The following MYH10 variants were observed in gnomAD, a reference collection of about 807,000 sequenced individuals.
MYH10 encodes the protein myosin-10.
Under a neutral mutation model 257.8 loss-of-function variants are expected in MYH10, and 55 were observed. The ratio of observed to expected loss-of-function variants is 0.21; its 90% CI spans 0.17 to 0.27. The LOEUF (loss-of-function observed/expected upper bound fraction) is 0.27. MYH10 is among the 10% of genes least tolerant of loss of function. The probability of loss-of-function intolerance (pLI) is 1.00; values close to 1 mark genes in which losing one functional copy is unlikely to be tolerated. For missense variants in MYH10, 1,631 were observed against 2,500.6 expected, an observed-to-expected ratio of 0.65 and a Z score of 7.42; for synonymous variants, 854 against 921.7, an observed-to-expected ratio of 0.93 and a Z score of 1.33.
chr17:8,522,296 C>T (rs2081681182), intron 17 of MYH10, among the ~76,000 whole-genome samples: 1 of 152,196 alleles, frequency 6.6e-6, no homozygotes, highest in African/African-American at 2.4e-5. Flanking sequence ...TGCAAGATCT[C>T]ATTCAATTAT....
At position 8,499,506 on chromosome 17, in the gene MYH10, CTAGT is replaced by C. The variant is rs764426643; in HGVS notation, c.3745-34_3745-31del. 1.1e-5 allele frequency: 17 copies of C among 1,607,980 alleles called. No homozygotes were observed. In the African/African-American group the frequency reaches 1.7e-4, roughly 16 times the overall value. On this transcript the variant is annotated intron_variant, in intron 29 of 42. Transcript: ENST00000360416. ...GAGACGGAAGGGAAAACATAATTCA[CTAGT>C]TATTTTCTAAAACTCCATACAGAGG...
At chr17:8,595,422 GTTCTTTT>G (rs1412455939) in intron 3 of MYH10, among the ~76,000 whole-genome samples, 2 of 61,182 alleles carry the variant, frequency 3.3e-5, no homozygotes, top group African/African-American at 1.4e-4. Context: ...AGTAAGAACA[GTTCTTTT>G]TTTTTTTTTT....
chr17:8,612,534 C>T (rs1013818654), intron 2 of MYH10, among the ~76,000 whole-genome samples: 9 of 152,130 alleles, frequency 5.9e-5, no homozygotes, highest in South Asian at 2.1e-4. Context: ...TCTCCCACCA[C>T]GCCTAAATTG....
chr17:8,513,915 CTT>C (rs2081378343), intron 21 of MYH10, 21 bp from the exon 22 acceptor site: 1 of 1,602,062 alleles, frequency 6.2e-7, no homozygotes. Context: ...ATAAGAAAAA[CTT>C]ATGATGTAAA....
intron 3 of MYH10, among the ~76,000 whole-genome samples, chr17:8,594,902 C>T (rs556834378): frequency 3.9e-5 from 6 of 152,282 alleles, no homozygotes; most frequent in East Asian, 3.9e-4. Flanking sequence ...TCAGTACAGG[C>T]GCAACCATCC....
chr17:8,498,522 G>A (rs59976500), intron 30 of MYH10, among the ~76,000 whole-genome samples: 2,261 of 152,144 alleles, frequency 0.015, 41 homozygotes, highest in Middle Eastern at 0.058. Flanking sequence ...TTTAAGGCTC[G>A]TGATCTAAGA....
chr17:8,489,748 C>CACA (rs1915487927), intron 35 of MYH10, among the ~76,000 whole-genome samples: 1 of 149,930 alleles, frequency 6.7e-6, no homozygotes, highest in Admixed American at 6.6e-5. Flanking sequence ...CACACACACC[C>CACA]CAAATCCAAA....
At chr17:8,483,832 ACACTT>A (rs1914281024) in intron 37 of MYH10, among the ~76,000 whole-genome samples, 1 of 152,194 alleles carries the variant, frequency 6.6e-6, no homozygotes, top group East Asian at 1.9e-4. Context: ...GTGCTTATCA[ACACTT>A]CCCTTTCCTG....
rs770176959 is a variant in MYH10, at chr17:8,535,519, CA to C, written c.1780-19del. The stretch of plus-strand genomic sequence containing the variant: ...TAGTCCACCTATCCCGCACCAAAGC[CA>C]AAAGTGGTGAAATGGAGAACACAAA... On this transcript the variant is annotated intron_variant, in intron 15 of 42. Coordinates refer to ENST00000360416, the MANE Select transcript of MYH10 (RefSeq NM_001256012.3). The surrounding 1 kb of genome is among the most constrained non-coding windows in gnomAD (Gnocchi z 4.3). 1 of 1,577,040 alleles carries C rather than the reference CA, an allele frequency of 6.3e-7. No homozygotes were observed. Among genetic ancestry groups the C allele is most frequent in the East Asian group, 2.2e-5 (1 of 44,510 alleles).
rs747780817 is a variant in MYH10 at position 8,480,428 on chromosome 17, C to G, written c.5362G>C (p.Asp1788His). The change falls in exon 39 of 43, where the codon GAC becomes CAC. Residue 1788 changes from aspartate (D) to histidine (H), a missense_variant. Physicochemically the swap from Asp to His is moderately conservative, Grantham distance 81. Coordinates refer to ENST00000360416, the MANE Select transcript of MYH10 (RefSeq NM_001256012.3). ...TGTAGAGTGGTCTTGCGGAAGCGGT[C>G]GTTGAGCAGCTCCATGTTGCTCTGC... ...EEQSNMELLN[D>H]RFRKTTLQVD... 2 of 1,613,238 alleles carry G rather than the reference C, an allele frequency of 1.2e-6. No individual in the cohort carries two copies. Among genetic ancestry groups the G allele is most frequent in the Non-Finnish European group, 8.5e-7 (1 of 1,180,014 alleles).
chr17:8,494,697 C>A (rs112659986), intron 31 of MYH10, among the ~76,000 whole-genome samples: 2 of 152,322 alleles, frequency 1.3e-5, no homozygotes, highest in Admixed American at 1.3e-4. Flanking sequence ...ACATCCCTAA[C>A]GGATGATGCA....
chr17:8,532,937 T>C (rs1233040896), intron 16 of MYH10, among the ~76,000 whole-genome samples: 2 of 152,218 alleles, frequency 1.3e-5, no homozygotes, highest in African/African-American at 4.8e-5. Flanking sequence ...AAAGGGTTCA[T>C]AGTGTCAGAA....
At chr17:8,599,297 A>G (rs2084503912) in intron 3 of MYH10, among the ~76,000 whole-genome samples, 1 of 152,142 alleles carries the variant, frequency 6.6e-6, no homozygotes, top group Non-Finnish European at 1.5e-5. Flanking sequence ...ACATTTTTCA[A>G]TATAAGCTTG....
chr17:8,510,881 C>G (rs867013093), intron 24 of MYH10, among the ~76,000 whole-genome samples: 1 of 151,774 alleles, frequency 6.6e-6, no homozygotes, highest in Non-Finnish European at 1.5e-5. Context: ...TTTATTAGAA[C>G]GTGCAGATCT....
intron 36 of MYH10, among the ~76,000 whole-genome samples, chr17:8,487,142 C>T (rs1459553410): frequency 3.3e-5 from 5 of 152,196 alleles, no homozygotes; most frequent in Non-Finnish European, 7.3e-5. Flanking sequence ...GGGGCTGGGT[C>T]AACATGACCC....
At position 8,553,983 on chromosome 17, in the gene MYH10, G is replaced by C; in HGVS notation, c.792C>G (p.Gly264=). 6.2e-7 allele frequency: 1 copy of C among 1,613,136 alleles called. No homozygotes were observed. The change falls in exon 8 of 43, where the codon GGC becomes GGG. Residue 264 remains glycine (G), a synonymous_variant. Transcript: ENST00000360416. ...KFIRINFDVT[G]YIVGANIETY... ...TTTCAATGTTGGCCCCAACGATATAGCCAGTTACATCAAAGTTGATCCGAA... is the reference window on the plus strand; with the variant it reads ...TTTCAATGTTGGCCCCAACGATATACCCAGTTACATCAAAGTTGATCCGAA...
intron 9 of MYH10, among the ~76,000 whole-genome samples, chr17:8,549,302 C>A (rs910389078): frequency 6.6e-6 from 1 of 152,230 alleles, no homozygotes; most frequent in Non-Finnish European, 1.5e-5. Context: ...CCCTGAAACA[C>A]TTTCTCCAAG....
intron 29 of MYH10, among the ~76,000 whole-genome samples, 176 bp downstream of exon 29, chr17:8,500,648 AGT>A (rs1917381987): frequency 6.6e-6 from 1 of 152,168 alleles, no homozygotes; most frequent in South Asian, 2.1e-4. Flanking sequence ...CTAAGGAGAC[AGT>A]GTGTTTTCTG....
At chr17:8,567,899 T>C (rs1032803953) in intron 7 of MYH10, among the ~76,000 whole-genome samples, 9 of 152,224 alleles carry the variant, frequency 5.9e-5, no homozygotes, top group African/African-American at 2.2e-4. Context: ...CAACTATGTT[T>C]CGTTAAAGAT....
Sources: gnomAD v4.1 joint callset for allele counts (sites outside exome capture counted in the v4.1 genomes callset) on GRCh38, gnomAD v4.1.1 for gene constraint, Gnocchi (gnomAD v3.1) non-coding constraint, MANE v1.5 for transcripts, NCBI Gene and HGNC (gene_info 2026-07-23, HGNC 2026-07-21) for gene names.